The following ZFPM1 variants were observed in gnomAD, a reference collection of about 807,000 sequenced individuals.
The protein encoded by ZFPM1 is zinc finger protein, FOG family member 1.
A neutral mutation model predicts 46.3 loss-of-function variants in ZFPM1; 28 were observed. The observed-to-expected ratio is 0.60, with a 90% CI of 0.45 to 0.83. The LOEUF (loss-of-function observed/expected upper bound fraction) is 0.83. ZFPM1 is among the 40% of genes least tolerant of loss of function. ZFPM1 has a pLI of 0.00. For missense variants in ZFPM1, 1,878 were observed against 1,432.4 expected (o/e 1.31, Z -5.02); for synonymous variants, 957 against 675.9 (o/e 1.42, Z -6.45).
chr16:88,468,280 C>T (rs79502432), intron 1 of ZFPM1, among the ~76,000 whole-genome samples: 4,749 of 152,084 alleles, frequency 0.031, 116 homozygotes, highest in East Asian at 0.14. Flanking sequence ...CTGCCTGCGG[C>T]GCACAGAGCC....
At chr16:88,509,549 C>CA (rs1910841713) in intron 3 of ZFPM1, among the ~76,000 whole-genome samples, 1 of 152,256 alleles carries the variant, frequency 6.6e-6, no homozygotes, top group Non-Finnish European at 1.5e-5. Flanking sequence ...GTGACGCCTT[C>CA]ACCTGCCTCC....
intron 1 of ZFPM1, among the ~76,000 whole-genome samples, chr16:88,462,184 T>G (rs527859876): frequency 1.3e-5 from 2 of 152,310 alleles, no homozygotes; most frequent in African/African-American, 4.8e-5. Flanking sequence ...CAGCTTCCCC[T>G]GGGCTGCTGG....
intron 1 of ZFPM1, among the ~76,000 whole-genome samples, chr16:88,461,860 AT>A (rs1342275466): frequency 6.6e-6 from 1 of 152,082 alleles, no homozygotes; most frequent in East Asian, 1.9e-4. Flanking sequence ...TGGCCAACCC[AT>A]TTTACAGGAG....
intron 1 of ZFPM1, among the ~76,000 whole-genome samples, chr16:88,458,154 C>T (rs556538643): frequency 6.6e-6 from 1 of 152,322 alleles, no homozygotes; most frequent in East Asian, 1.9e-4. Context: ...GCGGCCGGGC[C>T]TGCGCTCCTT....
chr16:88,527,655 C>T (rs940710843), intron 5 of ZFPM1, among the ~76,000 whole-genome samples: 4 of 152,024 alleles, frequency 2.6e-5, no homozygotes, highest in African/African-American at 9.7e-5. Flanking sequence ...GCAGGAAGAG[C>T]CGCCCTTGGA....
chr16:88,534,115 G>GC lies in ZFPM1; in HGVS notation c.2162dup (p.Pro723ThrfsTer354). On this transcript the variant is annotated frameshift_variant, in exon 10 of 10. Transcript: ENST00000319555. LOFTEE classifies it low-confidence loss of function (END_TRUNC). ...ACCCGCCGCCGCGCCGACCGGCCGC[G>GC]CCCCCGGGACCCCCTGGGCCGGCCG... 2 of 1,128,228 alleles carry GC rather than the reference G, an allele frequency of 1.8e-6. No homozygotes were observed. The highest frequency in any genetic ancestry group is 2.2e-6 in the Non-Finnish European group (2 of 900,168). 69.9% of individuals were successfully genotyped at this position (1,128,228 alleles called of 1,614,324 possible). A position where few individuals can be genotyped will look rare whatever the true frequency, so the allele number is the denominator to read the frequency against.
chr16:88,477,192 T>G (rs1463301622), intron 1 of ZFPM1, among the ~76,000 whole-genome samples: 1 of 152,026 alleles, frequency 6.6e-6, no homozygotes, highest in Non-Finnish European at 1.5e-5. Flanking sequence ...TTCACATGAG[T>G]GCCGGGAAGG....
intron 1 of ZFPM1, among the ~76,000 whole-genome samples, chr16:88,455,407 G>A (rs539266379): frequency 1.7e-4 from 26 of 152,094 alleles, no homozygotes; most frequent in African/African-American, 6.0e-4. Flanking sequence ...CCCGGACGAG[G>A]AAGGCAGGGC....
At chr16:88,500,697 G>A (rs543529878) in intron 3 of ZFPM1, among the ~76,000 whole-genome samples, 1 of 152,302 alleles carries the variant, frequency 6.6e-6, no homozygotes, top group Admixed American at 6.5e-5. Flanking sequence ...GCAGACCTGG[G>A]GCCTGTTGTG....
At chr16:88,455,106 C>T (rs1907477368) in intron 1 of ZFPM1, among the ~76,000 whole-genome samples, 1 of 151,678 alleles carries the variant, frequency 6.6e-6, no homozygotes, top group African/African-American at 2.4e-5. Flanking sequence ...TTCCTTCCTT[C>T]CCTGAGCGCC....
chr16:88,486,117 G>A, intron 2 of ZFPM1, 74 bp downstream of exon 2: 1 of 1,431,058 alleles, frequency 7.0e-7, no homozygotes, highest in Non-Finnish European at 9.6e-7. Flanking sequence ...TGCCCTCAGA[G>A]CTCAGTGGTG....
chr16:88,528,062 C>T lies in ZFPM1; in HGVS notation c.536C>T (p.Pro179Leu), dbSNP rs1203108125. The change falls in exon 6 of 10, where the codon CCG becomes CTG. Residue 179 changes from proline to leucine, a missense_variant. Coordinates refer to ENST00000319555, the MANE Select transcript of ZFPM1 (RefSeq NM_153813.3). ...GCACTCTGGTGCAGGGTCACCAAGC[C>T]GGTGCCTGCGGGGGGACTCCTGAGC... is the stretch of plus-strand genomic sequence containing the variant. Reference protein sequence around the residue: ...DDALWCRVTKPVPAGGLLSVL... With the variant: ...DDALWCRVTKLVPAGGLLSVL... 21 of 1,557,708 alleles carry T rather than the reference C, an allele frequency of 1.3e-5. No individual in the cohort carries two copies. The highest frequency in any genetic ancestry group is 1.8e-5 in the Non-Finnish European group (21 of 1,150,482).
chr16:88,487,133 A>G (rs557929960), intron 2 of ZFPM1, among the ~76,000 whole-genome samples: 1 of 152,278 alleles, frequency 6.6e-6, no homozygotes, highest in African/African-American at 2.4e-5. Context: ...GGCCTGCTGG[A>G]GCCAGCTGTA....
chr16:88,478,224 C>T (rs1394090802), intron 1 of ZFPM1, among the ~76,000 whole-genome samples: 1 of 152,206 alleles, frequency 6.6e-6, no homozygotes, highest in Non-Finnish European at 1.5e-5. Flanking sequence ...CTCTCTGGGA[C>T]CCTGGAGGTT....
chr16:88,473,967 A>G (rs1179868702), intron 1 of ZFPM1, among the ~76,000 whole-genome samples: 1 of 152,014 alleles, frequency 6.6e-6, no homozygotes, highest in Non-Finnish European at 1.5e-5. Context: ...CATGTAATCT[A>G]TCAGTGGCTA....
chr16:88,518,706 C>CGGATGGAT (rs201394717), intron 4 of ZFPM1, among the ~76,000 whole-genome samples: 3 of 101,326 alleles, frequency 3.0e-5, no homozygotes, highest in African/African-American at 1.2e-4. Context: ...GATTGATGGA[C>CGGATGGAT]GGATGGATGG....
At chr16:88,474,927 C>A (rs1908605952) in intron 1 of ZFPM1, among the ~76,000 whole-genome samples, 1 of 152,226 alleles carries the variant, frequency 6.6e-6, no homozygotes, top group African/African-American at 2.4e-5. Flanking sequence ...TAAACCAGGA[C>A]CTGGGCAGCC....
At chr16:88,477,483 C>T (rs1908741138) in intron 1 of ZFPM1, among the ~76,000 whole-genome samples, 1 of 152,206 alleles carries the variant, frequency 6.6e-6, no homozygotes, top group Non-Finnish European at 1.5e-5. Flanking sequence ...CCAAACATGG[C>T]TGGGTGCAGT....
chr16:88,501,385 GGGGCCC>G (rs1910298429), intron 3 of ZFPM1, among the ~76,000 whole-genome samples: 2 of 50,652 alleles, frequency 3.9e-5, no homozygotes, highest in Admixed American at 2.2e-4. Context: ...ACATGGGTGC[GGGGCCC>G]TCCCGCAGGT....
Sources: gnomAD v4.1 joint callset for allele counts (sites outside exome capture counted in the v4.1 genomes callset) on GRCh38, gnomAD v4.1.1 for gene constraint, MANE v1.5 for transcripts, NCBI Gene and HGNC (gene_info 2026-07-23, HGNC 2026-07-21) for gene names.